CCDC30: variants seen among roughly 807,000 people sequenced by gnomAD.
The protein encoded by CCDC30 is coiled-coil domain containing 30.
CCDC30 carries 70 observed loss-of-function variants against 100.2 expected under a neutral mutation model. The observed-to-expected ratio is 0.70, with a 90% CI of 0.58 to 0.85. The LOEUF (loss-of-function observed/expected upper bound fraction) is 0.85, where lower values mean the gene tolerates loss of function less well. Among genes scored for constraint, CCDC30 ranks in the 40% least tolerant of loss-of-function variants. The probability of loss-of-function intolerance (pLI) is 0.00; values close to 1 mark genes in which losing one functional copy is unlikely to be tolerated. For missense variants in CCDC30, 652 were observed against 771.2 expected (o/e 0.85, Z 1.83); for synonymous variants, 233 against 269.5 (o/e 0.86, Z 1.33).
intron 6 of CCDC30, among the ~76,000 whole-genome samples, chr1:42,546,510 G>A (rs1035881518): frequency 1.4e-5 from 2 of 145,600 alleles, no homozygotes; most frequent in South Asian, 4.3e-4. Flanking sequence ...AAAAGTATAA[G>A]GAAATTATAA....
intron 11 of CCDC30, among the ~76,000 whole-genome samples, chr1:42,624,742 G>T (rs968063818): frequency 6.6e-6 from 1 of 152,214 alleles, no homozygotes; most frequent in Non-Finnish European, 1.5e-5. Flanking sequence ...GCTTTCCAAA[G>T]TGTTGGGATT....
chr1:42,457,132 T>C, the CCDC30 span: 4 of 1,582,520 alleles, frequency 2.5e-6, no homozygotes, highest in South Asian at 4.7e-5. Context: ...TCCAGCCACT[T>C]ATCCCCTTAC....
intron 8 of CCDC30, among the ~76,000 whole-genome samples, chr1:42,579,226 G>A (rs1171392418): frequency 6.6e-6 from 1 of 151,784 alleles, no homozygotes; most frequent in African/African-American, 2.4e-5. Context: ...TCTTGACCTC[G>A]TGATCCACCC....
intron 11 of CCDC30, among the ~76,000 whole-genome samples, chr1:42,621,801 G>A (rs546076302): frequency 6.6e-6 from 1 of 151,698 alleles, no homozygotes; most frequent in Non-Finnish European, 1.5e-5. Flanking sequence ...GTGAGCCACC[G>A]CGCCCGGCCT....
chr1:42,492,020 A>AGTT, intron 4 of CCDC30: 4 of 576,934 alleles, frequency 6.9e-6, no homozygotes, highest in Non-Finnish European at 1.2e-5. Flanking sequence ...TTCAGGAAAA[A>AGTT]AACTAACTTC....
At chr1:42,645,763 C>A (rs1026501903) in intron 14 of CCDC30, among the ~76,000 whole-genome samples, 1 of 151,994 alleles carries the variant, frequency 6.6e-6, no homozygotes, top group African/African-American at 2.4e-5. Flanking sequence ...CAACTGTTTT[C>A]AATTGTCTAG....
rs56267063 is a variant in CCDC30, at chr1:42,496,122, AGTGTGTGTGTGTGT to A, written c.242-951_242-938del. ...TGTCATTTGGGTTTTTTATTTGTGGAGTGTGTGTGTGTGTGTGTGTGTGTGTGTGTGTGTGTGTA... is the reference window on the plus strand; with the variant it reads ...TGTCATTTGGGTTTTTTATTTGTGGAGTGTGTGTGTGTGTGTGTGTGTGTA... On this transcript the variant is annotated intron_variant, in intron 4 of 16. Transcript: ENST00000668663. 3.1e-3 allele frequency among the ~76,000 whole-genome samples: 462 copies of A among 147,410 alleles called. 2 individuals carry two copies. The highest frequency in any genetic ancestry group is 5.0e-3 in the Non-Finnish European group (334 of 66,646).
intron 7 of CCDC30, chr1:42,568,986 A>G (rs965893344): frequency 6.6e-6 from 1 of 151,956 alleles, no homozygotes; most frequent in Non-Finnish European, 1.5e-5. Flanking sequence ...AAACTTGAGT[A>G]TCTAGCTAAT....
chr1:42,646,233 C>T, exon 15 of CCDC30: 1 of 1,558,898 alleles, frequency 6.4e-7, no homozygotes, highest in Non-Finnish European at 8.7e-7. Flanking sequence ...GCACTGAGGT[C>T]TTCACCAGCA....
chr1:42,642,467 C>T lies in CCDC30; in HGVS notation c.1420-6C>T. 2 of 1,544,222 alleles carry T rather than the reference C, an allele frequency of 1.3e-6. No homozygotes were observed. Among genetic ancestry groups the T allele is most frequent in the South Asian group, 1.3e-5 (1 of 76,330 alleles). ...TGTGGTAATTAGGAGACTTTCTAAT[C>T]CCTAGGAGAAGGCAATACAGGACCA... On this transcript the variant is annotated splice_region_variant and splice_polypyrimidine_tract_variant and intron_variant, in intron 12 of 16. Coordinates refer to ENST00000668663, the Ensembl canonical transcript of CCDC30.
chr1:42,506,995 C>T (rs1199743780), intron 6 of CCDC30, among the ~76,000 whole-genome samples: 1 of 152,160 alleles, frequency 6.6e-6, no homozygotes, highest in Admixed American at 6.5e-5. Context: ...GGTGCAATCT[C>T]AGCTCACTGC....
intron 7 of CCDC30, among the ~76,000 whole-genome samples, chr1:42,574,842 A>G (rs1487860221): frequency 2.0e-5 from 3 of 152,204 alleles, no homozygotes; most frequent in African/African-American, 7.2e-5. Context: ...TCAGCTCTGT[A>G]TTTCAAATGC....
intron 6 of CCDC30, among the ~76,000 whole-genome samples, chr1:42,518,698 C>T (rs1644591608): frequency 6.6e-6 from 1 of 152,178 alleles, no homozygotes; most frequent in African/African-American, 2.4e-5. Flanking sequence ...CGACACATTT[C>T]TTAGGATGTA....
the CCDC30 span, among the ~76,000 whole-genome samples, chr1:42,457,942 C>G: frequency 7.1e-6 from 1 of 140,936 alleles, no homozygotes; most frequent in Non-Finnish European, 1.5e-5. Flanking sequence ...GCGACGAGAG[C>G]GATACTCCGT....
At chr1:42,466,479 T>C (rs1463342003) in intron 1 of CCDC30, among the ~76,000 whole-genome samples, 3 of 152,202 alleles carry the variant, frequency 2.0e-5, no homozygotes, top group Non-Finnish European at 2.9e-5. Flanking sequence ...AGAGATTGGA[T>C]TTTTAAGAGA....
intron 15 of CCDC30, among the ~76,000 whole-genome samples, chr1:42,651,602 A>G (rs1648355893): frequency 6.6e-6 from 1 of 152,196 alleles, no homozygotes; most frequent in Non-Finnish European, 1.5e-5. Flanking sequence ...GGTAGCCCAA[A>G]CCTGTAATCC....
intron 1 of CCDC30, among the ~76,000 whole-genome samples, chr1:42,475,632 C>T (rs1215501331): frequency 6.6e-6 from 1 of 152,088 alleles, no homozygotes; most frequent in Non-Finnish European, 1.5e-5. Context: ...AAGTATAATA[C>T]TTCTAATGTT....
intron 6 of CCDC30, among the ~76,000 whole-genome samples, chr1:42,549,009 T>C (rs1319996981): frequency 6.6e-6 from 1 of 152,194 alleles, no homozygotes; most frequent in Non-Finnish European, 1.5e-5. Flanking sequence ...AGTTCTTTTG[T>C]CATAGAGTAA....
chr1:42,478,119 CTT>C (rs973853361), intron 1 of CCDC30, among the ~76,000 whole-genome samples: 1 of 152,130 alleles, frequency 6.6e-6, no homozygotes, highest in Non-Finnish European at 1.5e-5. Flanking sequence ...GAATTATTGA[CTT>C]TGTTATAAAA....
Sources: allele counts gnomAD v4.1 joint callset (sites outside exome capture counted in the v4.1 genomes callset), GRCh38; gene constraint gnomAD v4.1.1; transcripts MANE v1.5; gene names NCBI Gene and HGNC (gene_info 2026-07-23, HGNC 2026-07-21).